Variants in TBC1D5 observed in about 807,000 individuals in gnomAD.
TBC1D5 encodes the protein TBC1 domain family member 5.
Under a neutral mutation model 100.3 loss-of-function variants are expected in TBC1D5, and 75 were observed. The ratio of observed to expected loss-of-function variants is 0.75; its 90% CI spans 0.62 to 0.91. TBC1D5 has a LOEUF of 0.91. Ranked by LOEUF, TBC1D5 falls within the 40% of genes least tolerant of loss-of-function variation. The probability of loss-of-function intolerance (pLI) is 0.00; values close to 1 mark genes in which losing one functional copy is unlikely to be tolerated. For synonymous variants in TBC1D5, 323 were observed against 325.6 expected (o/e 0.99, Z 0.09); for missense variants, 910 against 942.4 (o/e 0.97, Z 0.45).
At chr3:17,361,859 C>T (rs534670246) in intron 13 of TBC1D5, among the ~76,000 whole-genome samples, 44 of 151,874 alleles carry the variant, frequency 2.9e-4, no homozygotes, top group African/African-American at 8.7e-4. Context: ...ATAAACCCAA[C>T]GTAAGTAAAA....
intron 13 of TBC1D5, among the ~76,000 whole-genome samples, chr3:17,334,936 G>A (rs2087471720): frequency 6.6e-6 from 1 of 152,024 alleles, no homozygotes; most frequent in Admixed American, 6.6e-5. Context: ...ATAAGGCACA[G>A]ATAAGCCAAT....
At chr3:17,376,411 A>T in intron 10 of TBC1D5, 114 bp downstream of exon 10, 2 of 890,318 alleles carry the variant, frequency 2.2e-6, no homozygotes, top group South Asian at 1.9e-5. Flanking sequence ...TCAAATGTTT[A>T]CAACTTGTAC....
chr3:17,611,041 T>A (rs2061638219), intron 2 of TBC1D5, among the ~76,000 whole-genome samples: 1 of 151,936 alleles, frequency 6.6e-6, no homozygotes, highest in African/African-American at 2.4e-5. Context: ...TAGAGAAAAC[T>A]GGAGGGCATG....
At chr3:17,388,308 T>C (rs1403907547) in intron 8 of TBC1D5, among the ~76,000 whole-genome samples, 1 of 152,058 alleles carries the variant, frequency 6.6e-6, no homozygotes, top group African/African-American at 2.4e-5. Context: ...TAAACCAAAA[T>C]TGGTAGGCAA....
chr3:17,258,301 T>TA (rs1178352593), intron 16 of TBC1D5, among the ~76,000 whole-genome samples: 1 of 152,164 alleles, frequency 6.6e-6, no homozygotes, highest in Non-Finnish European at 1.5e-5. Context: ...CAAGTACTCT[T>TA]ATATTTATTT....
At chr3:17,715,500 G>A (rs982911633) in intron 1 of TBC1D5, among the ~76,000 whole-genome samples, 2 of 152,150 alleles carry the variant, frequency 1.3e-5, no homozygotes, top group African/African-American at 2.4e-5. Context: ...ATAAAAGAAG[G>A]ATCTATCAAA....
chr3:17,603,498 T>C (rs1443578745), intron 2 of TBC1D5, among the ~76,000 whole-genome samples: 2 of 152,104 alleles, frequency 1.3e-5, no homozygotes, highest in Non-Finnish European at 2.9e-5. Flanking sequence ...ATCTACCCTA[T>C]ATGATTAAAA....
At chr3:17,456,440 CAA>C (rs1576089010) in intron 3 of TBC1D5, among the ~76,000 whole-genome samples, 3 of 152,030 alleles carry the variant, frequency 2.0e-5, no homozygotes, top group Admixed American at 1.3e-4. Context: ...AAGGAGCTCA[CAA>C]AACTCTATAA....
intron 16 of TBC1D5, among the ~76,000 whole-genome samples, chr3:17,241,045 T>A (rs2076266335): frequency 6.6e-6 from 1 of 152,122 alleles, no homozygotes. Context: ...TTCTCCCTCA[T>A]CTGGTACCCA....
chr3:17,471,780 T>C (rs2095377946), intron 3 of TBC1D5, among the ~76,000 whole-genome samples: 1 of 151,750 alleles, frequency 6.6e-6, no homozygotes, highest in Non-Finnish European at 1.5e-5. Flanking sequence ...AGAAACTACA[T>C]GTGTTTTTCA....
intron 8 of TBC1D5, among the ~76,000 whole-genome samples, chr3:17,401,391 GTATATGTA>G (rs1226520708): frequency 2.0e-5 from 3 of 149,704 alleles, no homozygotes. Context: ...ATATGTATAT[GTATATGTA>G]TATATGTATC....
At chr3:17,560,439 G>A (rs186614751) in intron 2 of TBC1D5, among the ~76,000 whole-genome samples, 1 of 152,054 alleles carries the variant, frequency 6.6e-6, no homozygotes, top group Non-Finnish European at 1.5e-5. Flanking sequence ...GCAACAAAGT[G>A]AGACACCCTG....
At chr3:17,383,189 G>A (rs2093019346) in intron 9 of TBC1D5, among the ~76,000 whole-genome samples, 1 of 151,650 alleles carries the variant, frequency 6.6e-6, no homozygotes, top group South Asian at 2.1e-4. Flanking sequence ...TTAAATTTAA[G>A]TTCAGTGGTC....
chr3:17,411,793 T>G (rs993296465), intron 4 of TBC1D5, among the ~76,000 whole-genome samples: 2 of 152,128 alleles, frequency 1.3e-5, no homozygotes, highest in Non-Finnish European at 2.9e-5. Flanking sequence ...ACGGTGTTGG[T>G]ATAGGGAAAA....
chr3:17,378,366 A>T lies in TBC1D5; in HGVS notation c.613-1753T>A, dbSNP rs145212959. ...TCCCTCAGTGAAGAATATAAAAATC[A>T]CTCTCTCACACATCCTCACCTATAT... On this transcript the variant is annotated intron_variant, in intron 9 of 21. Transcript: ENST00000253692. Among the ~76,000 whole-genome samples the T allele has an allele frequency of 1.6e-4, 25 of 151,754 alleles. No homozygotes were observed. In the East Asian group the frequency reaches 4.9e-3, roughly 30 times the overall value.
At chr3:17,526,742 G>A (rs889159416) in intron 2 of TBC1D5, among the ~76,000 whole-genome samples, 2 of 152,120 alleles carry the variant, frequency 1.3e-5, no homozygotes, top group African/African-American at 4.8e-5. Flanking sequence ...ACCATTACCA[G>A]CACACTGTCA....
At chr3:17,568,867 A>C (rs2096609091) in intron 2 of TBC1D5, among the ~76,000 whole-genome samples, 1 of 151,710 alleles carries the variant, frequency 6.6e-6, no homozygotes, top group Non-Finnish European at 1.5e-5. Flanking sequence ...AGCATTTGGT[A>C]TTCCTAATAA....
chr3:17,565,824 T>C (rs185968857), intron 2 of TBC1D5, among the ~76,000 whole-genome samples: 18 of 152,106 alleles, frequency 1.2e-4, no homozygotes, highest in Admixed American at 1.0e-3. Context: ...AGGGAAGAAA[T>C]GTTAAAAATT....
intron 19 of TBC1D5, among the ~76,000 whole-genome samples, chr3:17,183,120 G>C (rs189040395): frequency 6.2e-4 from 95 of 152,228 alleles, no homozygotes; most frequent in Middle Eastern, 3.4e-3. Flanking sequence ...CCCCCAACTG[G>C]AGAGTATCTC....
Sources: allele counts gnomAD v4.1 joint callset (sites outside exome capture counted in the v4.1 genomes callset), GRCh38; gene constraint gnomAD v4.1.1; transcripts MANE v1.5; gene names NCBI Gene and HGNC (gene_info 2026-07-23, HGNC 2026-07-21).